Variants in ARHGEF12 observed in about 807,000 individuals in gnomAD.
The protein encoded by ARHGEF12 is KMT2A/ARHGEF12 fusion protein.
Under a neutral mutation model 211.2 loss-of-function variants are expected in ARHGEF12, and 66 were observed. That is an observed-to-expected ratio of 0.31 (90% CI 0.26 to 0.38). The LOEUF (loss-of-function observed/expected upper bound fraction) is 0.38, where lower values mean the gene tolerates loss of function less well. Among genes scored for constraint, ARHGEF12 ranks in the 10% least tolerant of loss-of-function variants. The probability of loss-of-function intolerance (pLI) is 1.00; values close to 1 mark genes in which losing one functional copy is unlikely to be tolerated. For synonymous variants in ARHGEF12, 592 were observed against 638.4 expected (o/e 0.93, Z 1.09); for missense variants, 1,429 against 1,869.5 (o/e 0.76, Z 4.34).
chr11:120,485,540 GAAGCA>G lies in ARHGEF12; in HGVS notation c.*467_*471del, dbSNP rs1947375382. 4.2e-6 allele frequency: 1 copy of G among 238,670 alleles called. No individual in the cohort carries two copies. Among genetic ancestry groups the G allele is most frequent in the Admixed American group, 5.5e-5 (1 of 18,136 alleles). 14.8% of individuals were successfully genotyped at this position (238,670 alleles called of 1,614,324 possible). Reference sequence around the variant, plus strand: ...GTACACCCAAGGATCAACTGCTCCTGAAGCAAAGAGGTCAGGATGGAGTATGCAGA... The same window carrying G: ...GTACACCCAAGGATCAACTGCTCCTGAAGAGGTCAGGATGGAGTATGCAGA... On this transcript the variant is annotated 3_prime_UTR_variant, in exon 41 of 41. Transcript: ENST00000397843.
chr11:120,397,344 T>A (rs1427764372), intron 1 of ARHGEF12, among the ~76,000 whole-genome samples: 1 of 152,132 alleles, frequency 6.6e-6, no homozygotes, highest in East Asian at 1.9e-4. Flanking sequence ...CGGGGACGAG[T>A]GTGTCCTCTC....
chr11:120,467,321 C>A lies in ARHGEF12; in HGVS notation c.2854+13C>A. 5.9e-6 allele frequency: 9 copies of A among 1,518,172 alleles called. No homozygotes were observed. The highest frequency in any genetic ancestry group is 8.2e-6 in the Non-Finnish European group (9 of 1,098,274). The allele number at this position is 1,518,172 out of a possible 1,614,324, so 94.0% of individuals were successfully genotyped here. A position where few individuals can be genotyped will look rare whatever the true frequency, so the allele number is the denominator to read the frequency against. On this transcript the variant is annotated intron_variant, in intron 29 of 40. Transcript: ENST00000397843. ...GCCAAATACACAGGTACAGCATTTTCACTGAAATAAAAAGCTTAAGAACAA... is the reference window on the plus strand; with the variant it reads ...GCCAAATACACAGGTACAGCATTTTAACTGAAATAAAAAGCTTAAGAACAA...
At chr11:120,407,631 T>G (rs1398725727) in intron 2 of ARHGEF12, 107 bp from the exon 3 acceptor site, 56 of 793,556 alleles carry the variant, frequency 7.1e-5, no homozygotes, top group African/African-American at 1.2e-4. Context: ...CTGTGTAAAG[T>G]AAACTGATTT....
chr11:120,339,197 C>T (rs1942455123), intron 1 of ARHGEF12, among the ~76,000 whole-genome samples: 2 of 151,378 alleles, frequency 1.3e-5, no homozygotes, highest in Middle Eastern at 3.4e-3. Flanking sequence ...ACTGCTGAGA[C>T]CTGTTTCGTA....
chr11:120,452,252 G>A (rs1254904589), intron 22 of ARHGEF12, among the ~76,000 whole-genome samples: 1 of 152,178 alleles, frequency 6.6e-6, no homozygotes, highest in Non-Finnish European at 1.5e-5. Context: ...TGTGAGGAGA[G>A]AGGAGATGAG....
chr11:120,408,079 G>T, intron 3 of ARHGEF12: 1 of 316,380 alleles, frequency 3.2e-6, no homozygotes, highest in Non-Finnish European at 5.7e-6. Flanking sequence ...TAATAGAAAT[G>T]GTTATATAAT....
intron 1 of ARHGEF12, among the ~76,000 whole-genome samples, chr11:120,340,090 A>G (rs1591473249): frequency 1.3e-5 from 2 of 152,338 alleles, no homozygotes; most frequent in East Asian, 3.9e-4. Context: ...TAGAATGAGC[A>G]CTTGACAAGT....
intron 1 of ARHGEF12, among the ~76,000 whole-genome samples, chr11:120,374,802 G>T (rs1943682837): frequency 6.6e-6 from 1 of 152,252 alleles, no homozygotes; most frequent in South Asian, 2.1e-4. Context: ...ATGCTTTTAT[G>T]ACTAATTCAT....
chr11:120,445,868 C>T lies in ARHGEF12; in HGVS notation c.1345+404C>T, dbSNP rs372358107. Among the ~76,000 whole-genome samples, 30 of 150,696 alleles carry T rather than the reference C, an allele frequency of 2.0e-4. No homozygotes were observed. The South Asian group carries it at 6.1e-3, about 31-fold the overall frequency. On this transcript the variant is annotated intron_variant, in intron 16 of 40. Transcript: ENST00000397843. ...AGCTGAGATTATGCCATTAACACTC[C>T]AGCCTGGGTGATAAGAGCAAAACTC...
chr11:120,467,340 A>G, intron 29 of ARHGEF12, 32 bp downstream of exon 29: 1 of 1,402,238 alleles, frequency 7.1e-7, no homozygotes, highest in East Asian at 2.3e-5. Context: ...AAAAAGCTTA[A>G]GAACAACAAC....
chr11:120,463,629 G>A (rs1946605203), intron 27 of ARHGEF12: 1 of 151,868 alleles, frequency 6.6e-6, no homozygotes, highest in Admixed American at 6.6e-5. Flanking sequence ...TAGTTGTGTG[G>A]TGCTTTGATT....
intron 1 of ARHGEF12, among the ~76,000 whole-genome samples, chr11:120,348,409 C>G (rs1440761342): frequency 6.6e-6 from 1 of 152,108 alleles, no homozygotes; most frequent in Admixed American, 6.6e-5. Context: ...AGCTCTAATC[C>G]AAAAATCCAA....
intron 1 of ARHGEF12, among the ~76,000 whole-genome samples, chr11:120,401,278 G>A (rs1237063453): frequency 6.6e-6 from 1 of 152,176 alleles, no homozygotes; most frequent in African/African-American, 2.4e-5. Flanking sequence ...AGGTAAGCGA[G>A]TGGTCACTTA....
intron 8 of ARHGEF12, among the ~76,000 whole-genome samples, chr11:120,428,491 G>A (rs1945421457): frequency 6.6e-6 from 1 of 152,092 alleles, no homozygotes; most frequent in Non-Finnish European, 1.5e-5. Flanking sequence ...TATAGTTAAG[G>A]TACTCTATGT....
intron 1 of ARHGEF12, among the ~76,000 whole-genome samples, chr11:120,371,834 A>T (rs1943597743): frequency 6.6e-6 from 1 of 152,260 alleles, no homozygotes; most frequent in Admixed American, 6.5e-5. Context: ...ATTAAATTAA[A>T]AAAATACTGT....
chr11:120,449,201 T>G lies in ARHGEF12; in HGVS notation c.1830T>G (p.His610Gln), dbSNP rs766034313. The G allele has an allele frequency of 6.2e-7, 1 of 1,613,952 alleles. No individual in the cohort carries two copies. The highest frequency in any genetic ancestry group is 8.5e-7 in the Non-Finnish European group (1 of 1,179,946). The change falls in exon 21 of 41, where the codon CAT becomes CAG. Residue 610 changes from histidine (H) to glutamine (Q), a missense_variant. Transcript: ENST00000397843. ...GACCCCCACGGAGACCAAGCCGTCA[T>G]GACAACAGTGCAAGTATGTTGAAGT... is the stretch of plus-strand genomic sequence containing the variant. ...ILGPPRRPSRHDNSAIGRAME... is the reference protein window; with the variant it reads ...ILGPPRRPSRQDNSAIGRAME...
intron 39 of ARHGEF12, among the ~76,000 whole-genome samples, chr11:120,482,541 C>CTTCCTT (rs1283379157): frequency 6.6e-6 from 1 of 151,960 alleles, no homozygotes; most frequent in East Asian, 1.9e-4. Context: ...GTCAGGAGAT[C>CTTCCTT]GAGACCATCC....
rs1332040251 is a variant in ARHGEF12 at position 120,368,450 on chromosome 11, C to T, written c.32+31175C>T. ...GAGCCACCATGCCTGACCTGAGTAGCCTTTTTATTTAAAGGGAATCGGCAT... is the reference window on the plus strand; with the variant it reads ...GAGCCACCATGCCTGACCTGAGTAGTCTTTTTATTTAAAGGGAATCGGCAT... On this transcript the variant is annotated intron_variant, in intron 1 of 40. Transcript: ENST00000397843. 4.1e-4 allele frequency among the ~76,000 whole-genome samples: 63 copies of T among 152,086 alleles called. 1 individual carries two copies. Among genetic ancestry groups the T allele is most frequent in the Non-Finnish European group, 1.5e-4 (10 of 68,008 alleles).
intron 38 of ARHGEF12, 110 bp downstream of exon 38, chr11:120,480,540 T>TGTG: frequency 7.8e-6 from 8 of 1,024,658 alleles, no homozygotes; most frequent in Non-Finnish European, 1.1e-5. Flanking sequence ...TGTGTGTGTG[T>TGTG]TCACACATGT....
Sources: allele counts gnomAD v4.1 joint callset (sites outside exome capture counted in the v4.1 genomes callset), GRCh38; gene constraint gnomAD v4.1.1; transcripts MANE v1.5; gene names NCBI Gene and HGNC (gene_info 2026-07-23, HGNC 2026-07-21).